PTGER3: variants seen among roughly 807,000 people sequenced by gnomAD.
PTGER3 encodes prostaglandin E2 receptor EP3 subtype.
In PTGER3, 22 loss-of-function variants were observed where a neutral mutation model predicts 34.7. The observed-to-expected ratio is 0.63, with a 90% CI of 0.45 to 0.91. PTGER3 has a LOEUF of 0.91. Among genes scored for constraint, PTGER3 ranks in the 40% least tolerant of loss-of-function variants. The probability of loss-of-function intolerance (pLI) is 0.00; values close to 1 mark genes in which losing one functional copy is unlikely to be tolerated. For missense variants in PTGER3, 468 were observed against 519.4 expected (o/e 0.90, Z 0.96); for synonymous variants, 241 against 230.1 (o/e 1.05, Z -0.43).
intron 1 of PTGER3, among the ~76,000 whole-genome samples, chr1:71,027,726 G>T (rs1297281087): frequency 4.6e-5 from 7 of 151,948 alleles, no homozygotes; most frequent in Non-Finnish European, 1.0e-4. Context: ...CTAGTAGCCA[G>T]ATTTTTTTTA....
chr1:70,978,094 G>GT (rs1238286519), intron 2 of PTGER3, among the ~76,000 whole-genome samples: 4 of 152,090 alleles, frequency 2.6e-5, no homozygotes, highest in African/African-American at 4.8e-5. Flanking sequence ...CTCCAGATGA[G>GT]TGGCAGAGTT....
chr1:71,007,425 C>T, intron 2 of PTGER3: 2 of 985,500 alleles, frequency 2.0e-6, no homozygotes, highest in Middle Eastern at 5.2e-4. Context: ...CCTGAGTGAA[C>T]TTATCATTTG....
intron 4 of PTGER3, among the ~76,000 whole-genome samples, chr1:70,854,609 C>T (rs1305032160): frequency 1.3e-5 from 2 of 152,156 alleles, no homozygotes; most frequent in African/African-American, 4.8e-5. Flanking sequence ...CCCCTTCTCT[C>T]GGTCTCTATC....
intron 1 of PTGER3, among the ~76,000 whole-genome samples, chr1:71,025,472 A>T (rs1197686043): frequency 6.6e-6 from 1 of 152,146 alleles, no homozygotes; most frequent in African/African-American, 2.4e-5. Flanking sequence ...TATTATGCAT[A>T]TCAACACAGT....
chr1:70,972,405 T>G (rs1326529694), intron 3 of PTGER3, among the ~76,000 whole-genome samples: 1 of 152,128 alleles, frequency 6.6e-6, no homozygotes, highest in Non-Finnish European at 1.5e-5. Flanking sequence ...ATAAAGCAAA[T>G]TTTTTCACAC....
intron 4 of PTGER3, among the ~76,000 whole-genome samples, chr1:70,857,530 CTTATT>C (rs1416325954): frequency 6.6e-6 from 1 of 151,158 alleles, no homozygotes; most frequent in African/African-American, 2.4e-5. Flanking sequence ...GGATTTCACT[CTTATT>C]TATTTATTTA....
chr1:70,927,620 A>G (rs966597871), intron 4 of PTGER3, among the ~76,000 whole-genome samples: 4 of 152,206 alleles, frequency 2.6e-5, no homozygotes, highest in African/African-American at 9.6e-5. Flanking sequence ...AATATCATCA[A>G]CACATCAGTA....
chr1:70,882,715 A>T (rs6663613), intron 4 of PTGER3, among the ~76,000 whole-genome samples: 24,237 of 152,010 alleles, frequency 0.16, 4,062 homozygotes, highest in East Asian at 0.43. Context: ...AGTCTTGCAT[A>T]GGTCCCTGTG....
At chr1:70,994,329 C>A (rs1057250098) in intron 2 of PTGER3, among the ~76,000 whole-genome samples, 1 of 152,188 alleles carries the variant, frequency 6.6e-6, no homozygotes, top group Non-Finnish European at 1.5e-5. Flanking sequence ...GAAAAAGAGG[C>A]ATTGTGAATA....
chr1:70,948,430 T>C (rs1192278889), downstream of PTGER3, among the ~76,000 whole-genome samples: 1 of 152,140 alleles, frequency 6.6e-6, no homozygotes, highest in Non-Finnish European at 1.5e-5. Flanking sequence ...TTCCTGAGGT[T>C]TCCCCAGCTC....
intron 4 of PTGER3, among the ~76,000 whole-genome samples, chr1:70,937,615 T>C (rs770168585): frequency 6.6e-6 from 1 of 152,168 alleles, no homozygotes; most frequent in Non-Finnish European, 1.5e-5. Context: ...TTAGGTATCA[T>C]TAGTCCCAAG....
At chr1:70,862,440 C>T (rs1204491124) in intron 4 of PTGER3, 7 of 1,216,772 alleles carry the variant, frequency 5.8e-6, no homozygotes, top group South Asian at 1.2e-5. Flanking sequence ...TGAAAAAGTC[C>T]TGCTTTCACA....
chr1:70,970,687 GAAGA>G (rs1652985889), downstream of PTGER3: 1 of 235,122 alleles, frequency 4.3e-6, no homozygotes, highest in Non-Finnish European at 6.9e-6. Context: ...AGAAAGGGAG[GAAGA>G]GAAAAAAAAG....
chr1:70,929,110 A>G (rs1648447950), intron 4 of PTGER3, among the ~76,000 whole-genome samples: 1 of 152,208 alleles, frequency 6.6e-6, no homozygotes, highest in African/African-American at 2.4e-5. Context: ...CTTCTGTCAT[A>G]GAAAACATAT....
exon 4 of PTGER3, chr1:70,952,713 C>A (rs1026907024): frequency 6.7e-5 from 83 of 1,239,276 alleles, no homozygotes; most frequent in Non-Finnish European, 7.6e-5. Flanking sequence ...TTCGAGTGAC[C>A]AACCAGTTTG....
At chr1:70,915,643 T>A (rs1426704380) in intron 4 of PTGER3, among the ~76,000 whole-genome samples, 1 of 152,008 alleles carries the variant, frequency 6.6e-6, no homozygotes, top group African/African-American at 2.4e-5. Flanking sequence ...GTGTCTCAAA[T>A]ATAATTGTCC....
At chr1:71,019,192 A>G (rs953842488) in intron 1 of PTGER3, among the ~76,000 whole-genome samples, 1 of 152,234 alleles carries the variant, frequency 6.6e-6, no homozygotes, top group African/African-American at 2.4e-5. Flanking sequence ...AATTATTCCT[A>G]TTAGTCCAAT....
chr1:71,007,405 T>A (rs1657066566), intron 2 of PTGER3: 1 of 985,554 alleles, frequency 1.0e-6, no homozygotes, highest in South Asian at 4.7e-5. Flanking sequence ...AGTTCAGCAG[T>A]CAATAATGGC....
intron 2 of PTGER3, among the ~76,000 whole-genome samples, chr1:70,984,203 G>A (rs1490209964): frequency 4.6e-5 from 7 of 151,622 alleles, no homozygotes; most frequent in South Asian, 4.2e-4. Flanking sequence ...CCTGACCAAC[G>A]TGGTGAAACC....
Sources: allele counts gnomAD v4.1 joint callset (sites outside exome capture counted in the v4.1 genomes callset), GRCh38; gene constraint gnomAD v4.1.1; transcripts MANE v1.5; gene names NCBI Gene and HGNC (gene_info 2026-07-23, HGNC 2026-07-21).